XKR4: variants seen among roughly 807,000 people sequenced by gnomAD.
XKR4 encodes the protein XK related 4.
XKR4 carries 12 observed loss-of-function variants against 53.9 expected under a neutral mutation model. The ratio of observed to expected loss-of-function variants is 0.22; its 90% CI spans 0.14 to 0.36. The LOEUF (loss-of-function observed/expected upper bound fraction) is 0.36, where lower values mean the gene tolerates loss of function less well. XKR4 is among the 10% of genes least tolerant of loss of function. The pLI, the probability that XKR4 is intolerant of heterozygous loss-of-function variation, is 1.00. For missense variants in XKR4, 799 were observed against 859.5 expected, an observed-to-expected ratio of 0.93 and a Z score of 0.88; for synonymous variants, 354 against 362.4, an observed-to-expected ratio of 0.98 and a Z score of 0.26.
chr8:55,249,231 G>T (rs1795104003), intron 1 of XKR4, among the ~76,000 whole-genome samples: 1 of 152,160 alleles, frequency 6.6e-6, no homozygotes, highest in Non-Finnish European at 1.5e-5. Flanking sequence ...TACTCATGAA[G>T]AGCTAAAACC....
At chr8:55,187,775 G>C (rs1164909032) in intron 1 of XKR4, among the ~76,000 whole-genome samples, 1 of 152,194 alleles carries the variant, frequency 6.6e-6, no homozygotes, top group Non-Finnish European at 1.5e-5. Context: ...CAGAGAAATT[G>C]AGATAAGACA....
At chr8:55,162,948 T>G (rs1276833495) in intron 1 of XKR4, among the ~76,000 whole-genome samples, 2 of 152,308 alleles carry the variant, frequency 1.3e-5, no homozygotes, top group Non-Finnish European at 2.9e-5. Context: ...TAGCCTAAAG[T>G]GTTACAAAAT....
chr8:55,469,903 A>T (rs989026289), intron 2 of XKR4, among the ~76,000 whole-genome samples: 1 of 152,124 alleles, frequency 6.6e-6, no homozygotes, highest in East Asian at 1.9e-4. Flanking sequence ...CCTGCAATGT[A>T]TCATGTACTG....
At chr8:55,228,339 TATTAG>T (rs71554201) in intron 1 of XKR4, among the ~76,000 whole-genome samples, 23,256 of 152,168 alleles carry the variant, frequency 0.15, 2,132 homozygotes, top group Non-Finnish European at 0.21. Flanking sequence ...TTGCTAAACA[TATTAG>T]ATATCAAAAA....
intron 1 of XKR4, among the ~76,000 whole-genome samples, chr8:55,317,609 C>G (rs961382385): frequency 6.6e-6 from 1 of 152,144 alleles, no homozygotes; most frequent in African/African-American, 2.4e-5. Flanking sequence ...TCAGCCCCAG[C>G]CTTCCAGCCA....
chr8:55,343,405 G>C (rs922179535), intron 1 of XKR4, among the ~76,000 whole-genome samples: 2 of 152,158 alleles, frequency 1.3e-5, no homozygotes, highest in East Asian at 3.8e-4. Flanking sequence ...ACAGGCATGG[G>C]CAGGCTGTTG....
At chr8:55,315,673 C>T (rs535022411) in intron 1 of XKR4, among the ~76,000 whole-genome samples, 1 of 152,062 alleles carries the variant, frequency 6.6e-6, no homozygotes, top group Non-Finnish European at 1.5e-5. Context: ...AACATAAAAC[C>T]AAATGGAAAG....
At chr8:55,305,488 G>A (rs1438585499) in intron 1 of XKR4, among the ~76,000 whole-genome samples, 1 of 152,062 alleles carries the variant, frequency 6.6e-6, no homozygotes, top group African/African-American at 2.4e-5. Flanking sequence ...GCTTGTTAGA[G>A]TGAAGCAAAT....
intron 1 of XKR4, among the ~76,000 whole-genome samples, chr8:55,310,053 G>A (rs1412463351): frequency 1.3e-5 from 2 of 151,840 alleles, no homozygotes; most frequent in East Asian, 3.9e-4. Context: ...ATGTGTGTCT[G>A]TGTGTGTGTG....
At chr8:55,366,410 G>A (rs1803987104) in intron 2 of XKR4, among the ~76,000 whole-genome samples, 2 of 152,196 alleles carry the variant, frequency 1.3e-5, no homozygotes, top group Admixed American at 6.5e-5. Context: ...ACAAAAGCAG[G>A]CGCTCTAGAT....
At chr8:55,484,020 A>G (rs934716502) in intron 2 of XKR4, among the ~76,000 whole-genome samples, 1 of 152,226 alleles carries the variant, frequency 6.6e-6, no homozygotes, top group Non-Finnish European at 1.5e-5. Context: ...ACTACAGACC[A>G]TACAATATCC....
chr8:55,260,932 T>C (rs1166323553), intron 1 of XKR4, among the ~76,000 whole-genome samples: 1 of 152,202 alleles, frequency 6.6e-6, no homozygotes, highest in Non-Finnish European at 1.5e-5. Flanking sequence ...CTAGCTTGTC[T>C]ATGTCTGCAG....
intron 2 of XKR4, among the ~76,000 whole-genome samples, chr8:55,424,849 A>G (rs190676492): frequency 2.3e-3 from 356 of 152,316 alleles, no homozygotes; most frequent in Non-Finnish European, 3.2e-3. Flanking sequence ...CCTGTTGCCT[A>G]TTGCAGATCA....
intron 2 of XKR4, among the ~76,000 whole-genome samples, chr8:55,437,616 T>C (rs989406366): frequency 1.3e-5 from 2 of 152,200 alleles, no homozygotes; most frequent in Non-Finnish European, 2.9e-5. Context: ...CAAACACTCA[T>C]TGAGTGCTCA....
intron 1 of XKR4, among the ~76,000 whole-genome samples, chr8:55,321,817 C>T (rs182951194): frequency 2.6e-5 from 4 of 152,014 alleles, no homozygotes; most frequent in East Asian, 1.9e-4. Flanking sequence ...GGTGAAACCC[C>T]GTCTCTACTA....
At chr8:55,335,362 C>A (rs957975313) in intron 1 of XKR4, among the ~76,000 whole-genome samples, 2 of 152,020 alleles carry the variant, frequency 1.3e-5, no homozygotes, top group African/African-American at 2.4e-5. Flanking sequence ...AAAAAAAAAT[C>A]TTTATGTGAA....
intron 1 of XKR4, among the ~76,000 whole-genome samples, chr8:55,276,284 C>G (rs1818762951): frequency 6.6e-6 from 1 of 152,140 alleles, no homozygotes; most frequent in South Asian, 2.1e-4. Flanking sequence ...GACTTTCACC[C>G]AGAGAAACAA....
chr8:55,121,498 T>C (rs1585889276), intron 1 of XKR4, among the ~76,000 whole-genome samples: 1 of 152,330 alleles, frequency 6.6e-6, no homozygotes, highest in East Asian at 1.9e-4. Flanking sequence ...TTAGAATTTA[T>C]GCTTTATAGT....
intron 2 of XKR4, among the ~76,000 whole-genome samples, chr8:55,418,719 T>C (rs1423331781): frequency 2.6e-5 from 4 of 152,162 alleles, no homozygotes; most frequent in African/African-American, 4.8e-5. Flanking sequence ...TGACCCACCA[T>C]TCAGTGAGGC....
Sources: gnomAD v4.1 joint callset for allele counts (sites outside exome capture counted in the v4.1 genomes callset) on GRCh38, gnomAD v4.1.1 for gene constraint, MANE v1.5 for transcripts, NCBI Gene and HGNC (gene_info 2026-07-23, HGNC 2026-07-21) for gene names.